Variants in NIPBL observed in about 807,000 individuals in gnomAD.
NIPBL encodes nipped-B-like protein.
In NIPBL, 19 loss-of-function variants were observed where a neutral mutation model predicts 321.8. The observed-to-expected ratio is 0.06, with a 90% confidence interval of 0.04 to 0.09. NIPBL has a LOEUF of 0.09. Ranked by LOEUF, NIPBL falls within the 10% of genes least tolerant of loss-of-function variation. NIPBL has a pLI of 1.00. For missense variants in NIPBL, 2,210 were observed against 3,327.0 expected (o/e 0.66, Z 8.26); for synonymous variants, 1,106 against 1,114.1 (o/e 0.99, Z 0.14).
chr5:37,013,433 G>C (rs1475041293), intron 21 of NIPBL, among the ~76,000 whole-genome samples: 46 of 148,906 alleles, frequency 3.1e-4, no homozygotes, highest in Admixed American at 6.6e-4. Context: ...TGGGCGGAGG[G>C]GCTCCTCACT....
chr5:37,038,411 G>C (rs905194440), intron 33 of NIPBL, among the ~76,000 whole-genome samples, 191 bp from the exon 34 acceptor site: 1 of 96,190 alleles, frequency 1.0e-5, no homozygotes, highest in South Asian at 3.2e-4. Context: ...TCTTTATCTT[G>C]AGTATTATTT....
intron 1 of NIPBL, among the ~76,000 whole-genome samples, chr5:36,880,367 G>GT (rs1241843710): frequency 3.9e-5 from 6 of 151,916 alleles, no homozygotes; most frequent in African/African-American, 1.4e-4. Flanking sequence ...AAAACCAGGA[G>GT]TTTGAGTTTT....
At position 36,959,794 on chromosome 5, in the gene NIPBL, C is replaced by T. The variant is rs568765980; in HGVS notation, c.358+1563C>T. Among the ~76,000 whole-genome samples, 5 of 152,312 alleles carry T rather than the reference C, an allele frequency of 3.3e-5. No homozygotes were observed. In the South Asian group the frequency reaches 1.0e-3, roughly 32 times the overall value. On this transcript the variant is annotated intron_variant, in intron 4 of 46. Coordinates refer to ENST00000282516, the MANE Select transcript of NIPBL (RefSeq NM_133433.4). Reference sequence around the variant, plus strand: ...GTCACATATTTTGTGTTTTATACTACATATACTTGTTTTTTAGTCCAAAAT... The same window carrying T: ...GTCACATATTTTGTGTTTTATACTATATATACTTGTTTTTTAGTCCAAAAT...
chr5:37,013,645 G>T (rs1238433506), intron 21 of NIPBL, among the ~76,000 whole-genome samples: 1 of 151,920 alleles, frequency 6.6e-6, no homozygotes, highest in East Asian at 1.9e-4. Context: ...CTTCCCAGAT[G>T]TGATGGTGGC....
At chr5:36,963,638 CAA>C (rs796658799) in intron 6 of NIPBL, among the ~76,000 whole-genome samples, 5 of 117,306 alleles carry the variant, frequency 4.3e-5, no homozygotes, top group African/African-American at 3.2e-5. Context: ...CCTGTCTCTA[CAA>C]AAAAAAAAAA....
intron 1 of NIPBL, among the ~76,000 whole-genome samples, chr5:36,923,162 T>C (rs879521558): frequency 4.9e-4 from 75 of 152,096 alleles, no homozygotes; most frequent in Non-Finnish European, 9.7e-4. Context: ...AAAAATTAGC[T>C]GGGTGTGGTG....
Position 37,066,090 on chromosome 5 carries a change from C to G in NIPBL, c.*1198C>G, listed in dbSNP as rs1024446900. On this transcript the variant is annotated 3_prime_UTR_variant, in exon 47 of 47. Coordinates refer to ENST00000282516, the MANE Select transcript of NIPBL (RefSeq NM_133433.4). ...TCTAATCTATGCTAAAAGCTTTTATCATAAGTCTTGGGAACAGTTGTCATT... is the reference window on the plus strand; with the variant it reads ...TCTAATCTATGCTAAAAGCTTTTATGATAAGTCTTGGGAACAGTTGTCATT... 12 of 152,078 alleles carry G rather than the reference C, an allele frequency of 7.9e-5. No homozygotes were observed. The highest frequency in any genetic ancestry group is 2.7e-4 in the African/African-American group (11 of 41,420). The allele number at this position is 152,078 out of a possible 1,614,324, so 9.4% of individuals were successfully genotyped here.
At position 37,026,274 on chromosome 5, in the gene NIPBL, C is replaced by G. The variant is rs1431680757; in HGVS notation, c.5755C>G (p.Pro1919Ala). The G allele has an allele frequency of 6.2e-7, 1 of 1,612,178 alleles. No homozygotes were observed. The highest frequency in any genetic ancestry group is 8.5e-7 in the Non-Finnish European group (1 of 1,178,536). Residue 1919 changes from proline to alanine, a missense_variant, in exon 31 of 47, where the codon CCA becomes GCA. Pro to Ala is a conservative substitution (Grantham distance 27, BLOSUM62 -1). This residue lies in a region of NIPBL where 69 missense variants were observed against 100.8 expected (regional missense o/e 0.68). Transcript: ENST00000282516. ...TFQKLWFTPT[P>A]HNDKEAMTRK... ...CCAGAAACTCTGGTTTACTCCAACT[C>G]CACACAATGACAAAGAAGCAATGAC...
chr5:36,993,645 A>G (rs1242326819), intron 10 of NIPBL, among the ~76,000 whole-genome samples: 1 of 152,114 alleles, frequency 6.6e-6, no homozygotes, highest in Non-Finnish European at 1.5e-5. Context: ...AATCTAAGCA[A>G]AACACTTAGG....
chr5:37,018,027 T>C (rs2149693447), intron 24 of NIPBL, among the ~76,000 whole-genome samples: 1 of 152,260 alleles, frequency 6.6e-6, no homozygotes. Flanking sequence ...TCTAATGCAG[T>C]GATTTTCCAA....
Position 36,976,219 on chromosome 5 carries a change from C to A in NIPBL, c.1312C>A (p.Gln438Lys). The A allele has an allele frequency of 6.2e-7, 1 of 1,613,488 alleles. No homozygotes were observed. The highest frequency in any genetic ancestry group is 8.5e-7 in the Non-Finnish European group (1 of 1,179,746). ...TCCAGCAAATCAAGTGCCTGTTTTA[C>A]AACAGAACACTTCAGTTGCTGCAAA... ...FLPANQVPVL[Q>K]QNTSVAAKQP... The change falls in exon 9 of 47, where the codon CAA (glutamine) becomes AAA (lysine). Residue 438 changes from glutamine (Q) to lysine (K), a missense_variant. By Grantham distance (53) the Gln-to-Lys change is moderately conservative (BLOSUM62 1). This residue lies in a region of NIPBL where 464 missense variants were observed against 529.5 expected (regional missense o/e 0.88). Transcript: ENST00000282516.
intron 1 of NIPBL, among the ~76,000 whole-genome samples, chr5:36,890,333 G>C (rs150202728): frequency 6.6e-6 from 1 of 152,122 alleles, no homozygotes; most frequent in East Asian, 1.9e-4. Flanking sequence ...GGGTCAAAAG[G>C]TTTGAACATT....
At chr5:36,879,760 A>G (rs188436678) in intron 1 of NIPBL, among the ~76,000 whole-genome samples, 94 of 152,252 alleles carry the variant, frequency 6.2e-4, no homozygotes, top group African/African-American at 2.0e-3. Flanking sequence ...AATTTCAACA[A>G]TGTCGCTTAT....
intron 1 of NIPBL, among the ~76,000 whole-genome samples, chr5:36,904,099 G>A (rs1023993670): frequency 4.6e-5 from 7 of 152,314 alleles, no homozygotes; most frequent in South Asian, 2.1e-4. Flanking sequence ...AGAAGTGCTC[G>A]TAAGTAGGAT....
intron 42 of NIPBL, among the ~76,000 whole-genome samples, chr5:37,055,899 T>C (rs1754038286): frequency 6.6e-6 from 1 of 151,796 alleles, no homozygotes; most frequent in Non-Finnish European, 1.5e-5. Context: ...TACTCCTAGC[T>C]ACCTAGCTAC....
At chr5:36,923,919 C>T (rs535304904) in intron 1 of NIPBL, among the ~76,000 whole-genome samples, 1 of 152,218 alleles carries the variant, frequency 6.6e-6, no homozygotes, top group East Asian at 1.9e-4. Flanking sequence ...GAATGAATTC[C>T]TGTTTTAAAG....
intron 10 of NIPBL, among the ~76,000 whole-genome samples, chr5:36,994,630 A>T (rs752083538): frequency 6.6e-6 from 1 of 152,176 alleles, no homozygotes; most frequent in African/African-American, 2.4e-5. Context: ...TTATCAGGTA[A>T]GATTTTTCTT....
chr5:36,899,931 G>A (rs1212113639), intron 1 of NIPBL, among the ~76,000 whole-genome samples: 1 of 152,164 alleles, frequency 6.6e-6, no homozygotes, highest in African/African-American at 2.4e-5. Context: ...TCTAGAAGGA[G>A]TTAAACAGAA....
At chr5:36,972,067 C>T (rs769720622) in intron 8 of NIPBL, 26 bp downstream of exon 8, 2 of 1,461,008 alleles carry the variant, frequency 1.4e-6, no homozygotes, top group Middle Eastern at 1.7e-4. Context: ...AAATTTCCTT[C>T]TGTATATTTT....
Sources: gnomAD v4.1 joint callset for allele counts (sites outside exome capture counted in the v4.1 genomes callset) on GRCh38, gnomAD v4.1.1 for gene constraint, gnomAD v4.1.1 regional missense constraint, MANE v1.5 for transcripts, NCBI Gene and HGNC (gene_info 2026-07-23, HGNC 2026-07-21) for gene names.